MC2R: variants seen among roughly 807,000 people sequenced by gnomAD.
MC2R encodes melanocortin 2 receptor, also known as adrenocorticotropic hormone receptor.
MC2R carries 9 observed loss-of-function variants against 9.8 expected under a neutral mutation model. The observed-to-expected ratio is 0.92, with a 90% CI of 0.55 to 1.60. The LOEUF (loss-of-function observed/expected upper bound fraction) is 1.60, where lower values mean the gene tolerates loss of function less well. Among genes scored for constraint, MC2R ranks in the 40% most tolerant of loss-of-function variants. MC2R has a pLI of 0.00. For missense variants in MC2R, 370 were observed against 389.0 expected (o/e 0.95, Z 0.41); for synonymous variants, 185 against 154.7 (o/e 1.20, Z -1.45).
chr18:13,884,722 A>T lies in MC2R; in HGVS notation c.797T>A (p.Met266Lys). ...SLFQVNGMLI[M>K]CNAVIDPFIY... ...GAAGGGGTCAATGACGGCATTGCACATGATCAACATGCCGTTCACCTGGAA... is the reference window on the plus strand; with the variant it reads ...GAAGGGGTCAATGACGGCATTGCACTTGATCAACATGCCGTTCACCTGGAA... The change falls in exon 2 of 2, where the codon ATG becomes AAG. Residue 266 changes from methionine to lysine, a missense_variant. Met to Lys is a moderately conservative substitution (Grantham distance 95). Transcript: ENST00000327606. The T allele has an allele frequency of 6.2e-7, 1 of 1,614,150 alleles. No individual in the cohort carries two copies. The highest frequency in any genetic ancestry group is 8.5e-7 in the Non-Finnish European group (1 of 1,180,026).
chr18:13,893,756 A>AT (rs5823277), intron 1 of MC2R, among the ~76,000 whole-genome samples: 74,160 of 151,920 alleles, frequency 0.49, 18,582 homozygotes, highest in Middle Eastern at 0.61. Flanking sequence ...ATGGATATGG[A>AT]TTTTTCTCAA....
At chr18:13,891,490 A>G (rs2149137206) in intron 1 of MC2R, among the ~76,000 whole-genome samples, 1 of 152,332 alleles carries the variant, frequency 6.6e-6, no homozygotes, top group Middle Eastern at 3.4e-3. Flanking sequence ...GTTGTGATAG[A>G]TGTTGTCAGG....
chr18:13,902,938 C>A (rs1464456641), intron 1 of MC2R, among the ~76,000 whole-genome samples: 1 of 152,100 alleles, frequency 6.6e-6, no homozygotes, highest in Non-Finnish European at 1.5e-5. Flanking sequence ...TGCAAACTAC[C>A]TATCTGACAA....
intron 1 of MC2R, among the ~76,000 whole-genome samples, chr18:13,906,822 G>C (rs1171390617): frequency 2.0e-5 from 3 of 152,108 alleles, no homozygotes; most frequent in African/African-American, 7.2e-5. Flanking sequence ...ATCAACCAAA[G>C]AAGTGAAAGA....
At chr18:13,890,466 A>G (rs979433228) in intron 1 of MC2R, among the ~76,000 whole-genome samples, 1 of 151,842 alleles carries the variant, frequency 6.6e-6, no homozygotes. Context: ...CTTTAGAGAG[A>G]GCCAGTGTAG....
chr18:13,893,457 A>G (rs1433427802), intron 1 of MC2R, among the ~76,000 whole-genome samples: 2 of 152,330 alleles, frequency 1.3e-5, no homozygotes, highest in African/African-American at 4.8e-5. Context: ...TGTGAAGTAG[A>G]AGGGTCTTGA....
At chr18:13,886,833 G>A (rs550948166) in intron 1 of MC2R, among the ~76,000 whole-genome samples, 1 of 152,144 alleles carries the variant, frequency 6.6e-6, no homozygotes, top group Non-Finnish European at 1.5e-5. Context: ...TGAAGTCCAC[G>A]GGGAGCCCAT....
intron 1 of MC2R, among the ~76,000 whole-genome samples, chr18:13,894,095 A>C (rs1213630735): frequency 4.6e-5 from 7 of 152,038 alleles, no homozygotes; most frequent in African/African-American, 1.7e-4. Context: ...GAAATTTTTC[A>C]ATAGTTTTGG....
intron 1 of MC2R, among the ~76,000 whole-genome samples, chr18:13,890,277 T>TG (rs2045308222): frequency 6.6e-6 from 1 of 152,202 alleles, no homozygotes; most frequent in Non-Finnish European, 1.5e-5. Context: ...GCTGTGTTTT[T>TG]GGGGTTCCGT....
Position 13,884,801 on chromosome 18 carries a change from G to A in MC2R, c.718C>T (p.Leu240Phe), listed in dbSNP as rs756783672. ...FCWAPFVLHV[L>F]LMTFCPSNPY... ...TTACTTGGGCAGAATGTCATCAAGA[G>A]GACATGAAGCACAAAGGGGGCCCAG... is the stretch of plus-strand genomic sequence containing the variant. The change falls in exon 2 of 2, where the codon CTC becomes TTC. Residue 240 changes from leucine (L) to phenylalanine (F), a missense_variant. Leu to Phe is a conservative substitution (Grantham distance 22, BLOSUM62 0). Transcript: ENST00000327606. 5.6e-6 allele frequency: 9 copies of A among 1,614,024 alleles called. No individual in the cohort carries two copies. The highest frequency in any genetic ancestry group is 1.1e-5 in the South Asian group (1 of 91,066).
chr18:13,901,447 A>G (rs938030780), intron 1 of MC2R, among the ~76,000 whole-genome samples: 5 of 152,046 alleles, frequency 3.3e-5, no homozygotes, highest in African/African-American at 1.2e-4. Flanking sequence ...AGGATCAAAG[A>G]AAGAAATAGT....
At chr18:13,893,130 C>T (rs145559990) in intron 1 of MC2R, among the ~76,000 whole-genome samples, 138 of 152,300 alleles carry the variant, frequency 9.1e-4, no homozygotes, top group African/African-American at 3.2e-3. Flanking sequence ...GACATGCATA[C>T]GATTGATTGC....
chr18:13,910,522 T>C (rs1251670442), intron 1 of MC2R, among the ~76,000 whole-genome samples: 1 of 152,212 alleles, frequency 6.6e-6, no homozygotes. Flanking sequence ...GTTGATCAAG[T>C]GGAGAAGATT....
At chr18:13,898,455 C>T (rs930450545) in intron 1 of MC2R, among the ~76,000 whole-genome samples, 2 of 152,182 alleles carry the variant, frequency 1.3e-5, no homozygotes, top group Non-Finnish European at 2.9e-5. Context: ...AACTTCCTGC[C>T]CTGAAAGGAA....
At chr18:13,899,338 A>C (rs554272067) in intron 1 of MC2R, among the ~76,000 whole-genome samples, 2 of 148,168 alleles carry the variant, frequency 1.3e-5, no homozygotes. Flanking sequence ...AAAAAAGAAT[A>C]AAAAAAATGA....
At chr18:13,893,118 T>A (rs915636304) in intron 1 of MC2R, among the ~76,000 whole-genome samples, 18 of 152,248 alleles carry the variant, frequency 1.2e-4, no homozygotes, top group African/African-American at 4.3e-4. Flanking sequence ...ATCCTCTTTT[T>A]AGACATGCAT....
chr18:13,899,511 A>C (rs181646965), intron 1 of MC2R, among the ~76,000 whole-genome samples: 3 of 152,320 alleles, frequency 2.0e-5, no homozygotes, highest in Admixed American at 2.0e-4. Flanking sequence ...TGGAAGTAAA[A>C]GGTTATAGAA....
rs559032155 is a variant in MC2R, at chr18:13,885,421, G to C, written c.98C>G (p.Thr33Arg). 6.2e-7 allele frequency: 1 copy of C among 1,613,840 alleles called. No individual in the cohort carries two copies. Among genetic ancestry groups the C allele is most frequent in the African/African-American group, 1.3e-5 (1 of 74,910 alleles). The change falls in exon 2 of 2, where the codon ACA becomes AGA. Residue 33 changes from threonine (T) to arginine (R), a missense_variant. Thr to Arg is a moderately conservative substitution (Grantham distance 71, BLOSUM62 -1). Coordinates refer to ENST00000327606, the MANE Select transcript of MC2R (RefSeq NM_000529.2). ...CTCCAAAACTCCAACAATGGAAATT[G>C]TGAAAAATATCTCCTCCGGCAAAAC... ...RVVLPEEIFF[T>R]ISIVGVLENL...
intron 1 of MC2R, among the ~76,000 whole-genome samples, chr18:13,904,550 G>A (rs1396648862): frequency 6.6e-6 from 1 of 150,862 alleles, no homozygotes; most frequent in Non-Finnish European, 1.5e-5. Context: ...CCTGGCAAGA[G>A]CAATTAGACA....
Sources: gnomAD v4.1 joint callset for allele counts (sites outside exome capture counted in the v4.1 genomes callset) on GRCh38, gnomAD v4.1.1 for gene constraint, MANE v1.5 for transcripts, NCBI Gene and HGNC (gene_info 2026-07-23, HGNC 2026-07-21) for gene names.